SLC24A2: variants seen among roughly 807,000 people sequenced by gnomAD.
SLC24A2 encodes sodium/potassium/calcium exchanger 2.
A neutral mutation model predicts 62.0 loss-of-function variants in SLC24A2; 36 were observed. The ratio of observed to expected loss-of-function variants is 0.58; its 90% CI spans 0.44 to 0.77. The LOEUF (loss-of-function observed/expected upper bound fraction) is 0.77, where lower values mean the gene tolerates loss of function less well. Ranked by LOEUF, SLC24A2 falls within the 30% of genes least tolerant of loss-of-function variation. SLC24A2 has a pLI of 0.00. For missense variants in SLC24A2, 846 were observed against 817.9 expected (o/e 1.03, Z -0.42); for synonymous variants, 358 against 294.0 (o/e 1.22, Z -2.23).
chr9:19,975,182 G>C, the SLC24A2 span, among the ~76,000 whole-genome samples: 1 of 152,146 alleles, frequency 6.6e-6, no homozygotes, highest in African/African-American at 2.4e-5. Flanking sequence ...GTGATATTTA[G>C]GCTCCAGGTC....
the SLC24A2 span, among the ~76,000 whole-genome samples, chr9:19,889,298 C>A: frequency 6.6e-6 from 1 of 152,148 alleles, no homozygotes; most frequent in African/African-American, 2.4e-5. Context: ...ACTCCATTTC[C>A]TCATCTGTAG....
the SLC24A2 span, among the ~76,000 whole-genome samples, chr9:20,028,862 C>G: frequency 3.3e-5 from 5 of 152,332 alleles, no homozygotes; most frequent in African/African-American, 1.2e-4. Flanking sequence ...TTTAAACAAC[C>G]TGGCAGTACT....
the SLC24A2 span, among the ~76,000 whole-genome samples, chr9:19,873,285 TTTC>T: frequency 2.4e-4 from 37 of 152,006 alleles, no homozygotes; most frequent in East Asian, 3.9e-4. Context: ...TCTTTCTTTC[TTTC>T]TTCTTTTCTT....
At chr9:19,991,015 TACACAC>T in the SLC24A2 span, among the ~76,000 whole-genome samples, 170 of 125,506 alleles carry the variant, frequency 1.4e-3, 5 homozygotes, top group East Asian at 0.034. Context: ...CATATATACA[TACACAC>T]ACACATATAT....
the SLC24A2 span, among the ~76,000 whole-genome samples, chr9:20,064,830 T>C: frequency 6.6e-6 from 1 of 152,112 alleles, no homozygotes; most frequent in Non-Finnish European, 1.5e-5. Context: ...TGAAGACATG[T>C]TTCATGGAAC....
At chr9:20,097,106 T>C in the SLC24A2 span, among the ~76,000 whole-genome samples, 6 of 152,326 alleles carry the variant, frequency 3.9e-5, no homozygotes, top group African/African-American at 1.2e-4. Flanking sequence ...ATTCCTCCAA[T>C]GTCCACCCTA....
chr9:19,800,149 T>C, the SLC24A2 span, among the ~76,000 whole-genome samples: 3 of 152,208 alleles, frequency 2.0e-5, no homozygotes, highest in Non-Finnish European at 2.9e-5. Flanking sequence ...GGATGATTTC[T>C]AAATTTGGAG....
the SLC24A2 span, among the ~76,000 whole-genome samples, chr9:20,047,474 C>T: frequency 5.3e-5 from 8 of 150,802 alleles, no homozygotes; most frequent in East Asian, 8.0e-4. Context: ...GTTTGGGGTG[C>T]TATAACAAAA....
chr9:19,791,812 G>T (rs1823323575), upstream of SLC24A2, among the ~76,000 whole-genome samples: 3 of 152,130 alleles, frequency 2.0e-5, no homozygotes, highest in Admixed American at 2.0e-4. Flanking sequence ...ATTAATCAAT[G>T]GGTCTCTTTT....
At chr9:19,679,093 G>A (rs960898085) in intron 2 of SLC24A2, among the ~76,000 whole-genome samples, 2 of 152,152 alleles carry the variant, frequency 1.3e-5, no homozygotes, top group Non-Finnish European at 2.9e-5. Flanking sequence ...AAAGGGACCT[G>A]GCAGGGGATT....
At chr9:19,856,657 G>T in the SLC24A2 span, among the ~76,000 whole-genome samples, 1 of 152,130 alleles carries the variant, frequency 6.6e-6, no homozygotes, top group Non-Finnish European at 1.5e-5. Context: ...ATGACTGCTT[G>T]TTCCTTCCTC....
At chr9:20,015,250 A>C in the SLC24A2 span, among the ~76,000 whole-genome samples, 1 of 152,170 alleles carries the variant, frequency 6.6e-6, no homozygotes, top group East Asian at 1.9e-4. Context: ...AGATGTACAT[A>C]AAGTGGAGGA....
the SLC24A2 span, among the ~76,000 whole-genome samples, chr9:20,084,358 C>T: frequency 1.8e-4 from 27 of 152,302 alleles, no homozygotes; most frequent in South Asian, 4.4e-3. Context: ...CCAGGTTCAA[C>T]GACCTGATGT....
At chr9:20,079,759 G>A in the SLC24A2 span, among the ~76,000 whole-genome samples, 17 of 152,190 alleles carry the variant, frequency 1.1e-4, no homozygotes, top group African/African-American at 3.4e-4. Context: ...AAGAATGCTT[G>A]TGATTTTTGC....
the SLC24A2 span, among the ~76,000 whole-genome samples, chr9:19,903,664 T>C: frequency 2.6e-5 from 4 of 152,120 alleles, no homozygotes; most frequent in African/African-American, 7.2e-5. Context: ...CCCTCTGATA[T>C]GAAATCTCAG....
the SLC24A2 span, among the ~76,000 whole-genome samples, chr9:19,801,925 A>G: frequency 6.6e-6 from 1 of 152,218 alleles, no homozygotes; most frequent in Admixed American, 6.5e-5. Context: ...TTTATTAAAG[A>G]TAATTCTCTT....
At chr9:19,915,917 T>A in the SLC24A2 span, among the ~76,000 whole-genome samples, 3 of 152,148 alleles carry the variant, frequency 2.0e-5, no homozygotes, top group South Asian at 2.1e-4. Flanking sequence ...ACATAGAAGG[T>A]TTTAAGTCCA....
intron 8 of SLC24A2, among the ~76,000 whole-genome samples, chr9:19,544,331 A>G (rs1834438009): frequency 7.0e-6 from 1 of 142,806 alleles, no homozygotes; most frequent in Non-Finnish European, 1.5e-5. Context: ...TTGTCTTTGC[A>G]TGTGAGGTGG....
the SLC24A2 span, among the ~76,000 whole-genome samples, chr9:19,978,818 C>A: frequency 2.0e-5 from 3 of 151,874 alleles, no homozygotes; most frequent in African/African-American, 7.3e-5. Flanking sequence ...AAGAAAGGAA[C>A]AAAGCTAGAA....
Sources: allele counts gnomAD v4.1 joint callset (sites outside exome capture counted in the v4.1 genomes callset), GRCh38; gene constraint gnomAD v4.1.1; transcripts MANE v1.5; gene names NCBI Gene and HGNC (gene_info 2026-07-23, HGNC 2026-07-21).